Variants in TMOD2 observed in about 807,000 individuals in gnomAD.
TMOD2 encodes the protein tropomodulin-2.
In TMOD2, 22 loss-of-function variants were observed where a neutral mutation model predicts 39.9. The ratio of observed to expected loss-of-function variants is 0.55; its 90% CI spans 0.39 to 0.79. TMOD2 has a LOEUF of 0.79. Among genes scored for constraint, TMOD2 ranks in the 30% least tolerant of loss-of-function variants. The probability of loss-of-function intolerance (pLI) is 0.00; values close to 1 mark genes in which losing one functional copy is unlikely to be tolerated. For synonymous variants in TMOD2, 123 were observed against 146.1 expected (o/e 0.84, Z 1.14); for missense variants, 386 against 413.3 (o/e 0.93, Z 0.57).
At chr15:51,804,580 G>GTTTTT (rs755491024) in intron 8 of TMOD2, among the ~76,000 whole-genome samples, 9 of 136,570 alleles carry the variant, frequency 6.6e-5, no homozygotes, top group Middle Eastern at 3.5e-3. Context: ...GTTTTGTTTT[G>GTTTTT]TTTTTTTTTT....
At chr15:51,791,586 C>T (rs1023078872) in intron 7 of TMOD2, among the ~76,000 whole-genome samples, 3 of 152,204 alleles carry the variant, frequency 2.0e-5, no homozygotes, top group Non-Finnish European at 4.4e-5. Flanking sequence ...GGAGGCATCA[C>T]GCTACCTGAC....
At chr15:51,768,153 A>T in intron 2 of TMOD2, 109 bp from the exon 3 acceptor site, 1 of 1,275,480 alleles carries the variant, frequency 7.8e-7, no homozygotes, top group Non-Finnish European at 1.1e-6. Context: ...CATTCTGCGT[A>T]GGTATCCTTC....
At chr15:51,789,436 T>C (rs1378550749) in intron 7 of TMOD2, among the ~76,000 whole-genome samples, 6 of 152,152 alleles carry the variant, frequency 3.9e-5, no homozygotes, top group Non-Finnish European at 7.4e-5. Flanking sequence ...CCACTGTCAA[T>C]ATTAGACAGA....
At chr15:51,762,736 G>T (rs2055789752) in intron 1 of TMOD2, among the ~76,000 whole-genome samples, 1 of 151,950 alleles carries the variant, frequency 6.6e-6, no homozygotes. Context: ...AAGCAACTGT[G>T]ATTTCTTTCT....
At chr15:51,786,921 A>G (rs927783873) in intron 7 of TMOD2, among the ~76,000 whole-genome samples, 1 of 152,188 alleles carries the variant, frequency 6.6e-6, no homozygotes, top group South Asian at 2.1e-4. Context: ...GACGCAGAAG[A>G]TGGGTGTTTC....
chr15:51,799,240 A>C (rs967481672), intron 8 of TMOD2, among the ~76,000 whole-genome samples: 1 of 152,184 alleles, frequency 6.6e-6, no homozygotes, highest in Non-Finnish European at 1.5e-5. Context: ...TGGTATGAGC[A>C]TTCGTTCCCC....
intron 8 of TMOD2, among the ~76,000 whole-genome samples, chr15:51,803,168 CTT>C (rs771354231): frequency 1.1e-5 from 1 of 95,228 alleles, no homozygotes; most frequent in African/African-American, 3.9e-5. Context: ...TCTATATCTT[CTT>C]TTTTTTTTTT....
intron 8 of TMOD2, 43 bp downstream of exon 8, chr15:51,798,383 T>G (rs372687381): frequency 6.2e-7 from 1 of 1,600,280 alleles, no homozygotes; most frequent in Non-Finnish European, 8.5e-7. Context: ...TCACAGGGTG[T>G]GCAGTGAGCG....
At chr15:51,804,935 G>T (rs1347801519) in intron 8 of TMOD2, among the ~76,000 whole-genome samples, 2 of 151,294 alleles carry the variant, frequency 1.3e-5, no homozygotes, top group Non-Finnish European at 2.9e-5. Flanking sequence ...AAATTAAATT[G>T]TAAATTCCCA....
intron 3 of TMOD2, among the ~76,000 whole-genome samples, chr15:51,770,883 A>G (rs1281940280): frequency 6.6e-6 from 1 of 152,212 alleles, no homozygotes; most frequent in Non-Finnish European, 1.5e-5. Flanking sequence ...GAAAATATGG[A>G]TCTGTTTCTA....
chr15:51,816,291 T>G lies in TMOD2; in HGVS notation c.*7837T>G, dbSNP rs1947542204. The G allele has an allele frequency of 1.3e-5, 2 of 152,226 alleles. No homozygotes were observed. The highest frequency in any genetic ancestry group is 4.1e-4 in the South Asian group (2 of 4,836). The allele number at this position is 152,226 out of a possible 1,614,324, so 9.4% of individuals were successfully genotyped here. On this transcript the variant is annotated 3_prime_UTR_variant, in exon 10 of 10. Transcript: ENST00000249700. ...TTCGAAGGTATAATGTATCTATTTCTGTCAGGAATGATATTTCCAAATGAA... is the reference window on the plus strand; with the variant it reads ...TTCGAAGGTATAATGTATCTATTTCGGTCAGGAATGATATTTCCAAATGAA...
chr15:51,757,709 A>G (rs982286180), intron 1 of TMOD2, among the ~76,000 whole-genome samples: 3 of 152,196 alleles, frequency 2.0e-5, no homozygotes, highest in African/African-American at 7.2e-5. Context: ...CCACGGCAGC[A>G]TTGCTAACAG....
rs1179956280 is a variant in TMOD2 at position 51,809,913 on chromosome 15, A to T, written c.*1459A>T. On this transcript the variant is annotated 3_prime_UTR_variant, in exon 10 of 10. Transcript: ENST00000249700. ...TCTATTTAGCTTGTAAAACACATGG[A>T]ATCTGTTTAAGATAGCCCTTGTAAA... The T allele has an allele frequency of 1.3e-5, 2 of 152,172 alleles. No individual in the cohort carries two copies. Among genetic ancestry groups the T allele is most frequent in the Non-Finnish European group, 2.9e-5 (2 of 68,028 alleles). The allele number at this position is 152,172 out of a possible 1,614,324, so 9.4% of individuals were successfully genotyped here.
chr15:51,772,810 G>A (rs1311402934), intron 3 of TMOD2, among the ~76,000 whole-genome samples: 1 of 152,148 alleles, frequency 6.6e-6, no homozygotes, highest in Non-Finnish European at 1.5e-5. Flanking sequence ...TTTAGAGGGA[G>A]CGCTCCAGGG....
At chr15:51,752,061 C>T (rs689884) in intron 1 of TMOD2, among the ~76,000 whole-genome samples, 74,646 of 151,706 alleles carry the variant, frequency 0.49, 18,944 homozygotes, top group South Asian at 0.64. Flanking sequence ...TCTTCCACTC[C>T]GGGCTTTGTT....
At chr15:51,781,220 C>A in intron 6 of TMOD2, 46 bp downstream of exon 6, 1 of 1,543,370 alleles carries the variant, frequency 6.5e-7, no homozygotes, top group Non-Finnish European at 8.7e-7. Context: ...ATCATGAGGT[C>A]AGAAAACTTA....
chr15:51,768,472 T>G, intron 3 of TMOD2, 54 bp downstream of exon 3: 1 of 1,501,370 alleles, frequency 6.7e-7, no homozygotes, highest in Non-Finnish European at 9.0e-7. Context: ...TTTTTTTTTT[T>G]GGAACGGAGG....
intron 7 of TMOD2, among the ~76,000 whole-genome samples, chr15:51,786,761 A>G (rs1484959782): frequency 1.3e-5 from 2 of 152,230 alleles, no homozygotes; most frequent in Admixed American, 1.3e-4. Context: ...AGAGGGCCCA[A>G]ATATATTTAA....
chr15:51,768,604 G>A (rs2055833354), intron 3 of TMOD2, among the ~76,000 whole-genome samples, 186 bp downstream of exon 3: 1 of 152,150 alleles, frequency 6.6e-6, no homozygotes, highest in African/African-American at 2.4e-5. Flanking sequence ...TTGTCGTGGA[G>A]GGTCAAGCAA....
Sources: gnomAD v4.1 joint callset for allele counts (sites outside exome capture counted in the v4.1 genomes callset) on GRCh38, gnomAD v4.1.1 for gene constraint, MANE v1.5 for transcripts, NCBI Gene and HGNC (gene_info 2026-07-23, HGNC 2026-07-21) for gene names.